The following ESF1 variants were observed in gnomAD, a reference collection of about 807,000 sequenced individuals.
ESF1 encodes ESF1 nucleolar pre-rRNA processing protein, also known as ESF1 homolog.
In ESF1, 58 loss-of-function variants were observed where a neutral mutation model predicts 92.0. The ratio of observed to expected loss-of-function variants is 0.63; its 90% CI spans 0.51 to 0.78. ESF1 has a LOEUF of 0.78. Among genes scored for constraint, ESF1 ranks in the 30% least tolerant of loss-of-function variants. The probability of loss-of-function intolerance (pLI) is 0.00; values close to 1 mark genes in which losing one functional copy is unlikely to be tolerated. For synonymous variants in ESF1, 321 were observed against 313.7 expected (o/e 1.02, Z -0.24); for missense variants, 922 against 989.1 (o/e 0.93, Z 0.91).
intron 11 of ESF1, among the ~76,000 whole-genome samples, chr20:13,720,880 G>C (rs1222817680): frequency 6.6e-6 from 1 of 152,224 alleles, no homozygotes; most frequent in East Asian, 1.9e-4. Context: ...CAGCACTTCG[G>C]GAGGCCGAGG....
intron 6 of ESF1, 26 bp from the exon 7 acceptor site, chr20:13,770,047 T>C (rs778292475): frequency 1.4e-6 from 2 of 1,382,062 alleles, no homozygotes; most frequent in Non-Finnish European, 1.0e-6. Flanking sequence ...AAAAAATTTA[T>C]TTAAAATACG....
intron 7 of ESF1, among the ~76,000 whole-genome samples, chr20:13,768,525 T>C (rs1979530521): frequency 6.6e-6 from 1 of 151,664 alleles, no homozygotes; most frequent in Non-Finnish European, 1.5e-5. Flanking sequence ...GAGGTTGCAG[T>C]GAGCCAGGAT....
At chr20:13,758,737 A>C (rs1979016024) in intron 9 of ESF1, among the ~76,000 whole-genome samples, 2 of 152,220 alleles carry the variant, frequency 1.3e-5, no homozygotes, top group African/African-American at 4.8e-5. Context: ...ATCTGGTTTT[A>C]AAAGTTATAC....
Position 13,782,584 on chromosome 20 carries a change from CTTTG to C in ESF1, c.553_556del (p.Gln185GlyfsTer3). On this transcript the variant is annotated frameshift_variant, in exon 2 of 14. Transcript: ENST00000617257. LOFTEE classifies it high-confidence loss of function. ...TTCAGAGGTGCCTGAGTCTAATGTC[CTTTG>C]TTTTTCTTCGAGAGAAGAGTCTGTA... 1 of 1,592,526 alleles carries C rather than the reference CTTTG, an allele frequency of 6.3e-7. No homozygotes were observed.
rs981561293 is a variant in ESF1, at chr20:13,748,794, A to G, written c.1828+10898T>C. Reference sequence around the variant, plus strand: ...TAGTAGAGACAGGGTTTCACGTGTTAGCCAGGATGGTCTCGATCTCCTGAC... The same window carrying G: ...TAGTAGAGACAGGGTTTCACGTGTTGGCCAGGATGGTCTCGATCTCCTGAC... On this transcript the variant is annotated intron_variant, in intron 9 of 13. Coordinates refer to ENST00000617257, the MANE Select transcript of ESF1 (RefSeq NM_001276380.2). 4.6e-5 allele frequency among the ~76,000 whole-genome samples: 7 copies of G among 151,542 alleles called. No individual in the cohort carries two copies. The East Asian group carries it at 1.4e-3, about 29-fold the overall frequency.
chr20:13,721,874 AT>A (rs1399313905), intron 11 of ESF1, among the ~76,000 whole-genome samples: 1 of 152,146 alleles, frequency 6.6e-6, no homozygotes, highest in African/African-American at 2.4e-5. Flanking sequence ...AGGGAATAAT[AT>A]ACGAATCTTA....
intron 8 of ESF1, among the ~76,000 whole-genome samples, chr20:13,760,123 T>A (rs911721104): frequency 3.3e-5 from 5 of 152,256 alleles, no homozygotes; most frequent in South Asian, 2.1e-4. Flanking sequence ...TTACATAACA[T>A]CTTTGGGCTT....
chr20:13,784,835 A>G, intron 1 of ESF1, 45 bp downstream of exon 1: 4 of 582,182 alleles, frequency 6.9e-6, no homozygotes, highest in Non-Finnish European at 1.2e-5. Flanking sequence ...CACGCCCTCA[A>G]GCCCTTCATC....
chr20:13,746,236 A>G (rs2147745589), intron 9 of ESF1, among the ~76,000 whole-genome samples: 1 of 152,300 alleles, frequency 6.6e-6, no homozygotes, highest in South Asian at 2.1e-4. Context: ...AAGTGTTGGG[A>G]TTACAGTTGT....
chr20:13,728,887 GA>G (rs893148625), intron 10 of ESF1, among the ~76,000 whole-genome samples: 3 of 148,832 alleles, frequency 2.0e-5, no homozygotes, highest in Admixed American at 6.7e-5. Flanking sequence ...ATAATTAAAA[GA>G]AAAAAAAAGT....
intron 6 of ESF1, 23 bp from the exon 7 acceptor site, chr20:13,770,044 T>G (rs1461008015): frequency 2.9e-6 from 4 of 1,403,260 alleles, no homozygotes; most frequent in Non-Finnish European, 4.0e-6. Flanking sequence ...GAAAAAAAAT[T>G]TATTTAAAAT....
intron 9 of ESF1, among the ~76,000 whole-genome samples, chr20:13,754,348 G>C (rs1285885756): frequency 6.6e-6 from 1 of 152,122 alleles, no homozygotes; most frequent in East Asian, 1.9e-4. Context: ...AATGGTCCAG[G>C]CTCATGTCCT....
At chr20:13,769,233 G>A (rs565438673) in intron 7 of ESF1, among the ~76,000 whole-genome samples, 5 of 151,734 alleles carry the variant, frequency 3.3e-5, no homozygotes, top group Admixed American at 1.3e-4. Context: ...TTAACTGTGC[G>A]GGGAGGTAAT....
At chr20:13,757,617 G>C (rs1385590895) in intron 9 of ESF1, among the ~76,000 whole-genome samples, 5 of 152,074 alleles carry the variant, frequency 3.3e-5, no homozygotes, top group Non-Finnish European at 5.9e-5. Flanking sequence ...TACTCGGGCT[G>C]GTCTCGAACA....
At position 13,728,845 on chromosome 20, in the gene ESF1, C is replaced by G. The variant is rs1390927032; in HGVS notation, c.1951-380G>C. Among the ~76,000 whole-genome samples, 3 of 147,076 alleles carry G rather than the reference C, an allele frequency of 2.0e-5. No homozygotes were observed. The East Asian group carries it at 6.0e-4, about 29-fold the overall frequency. Reference sequence around the variant, plus strand: ...TCGTGCCACTGCACTCCAGCCTGAGCAACAGAGCGAGACTCCATCTCAAAA... The same window carrying G: ...TCGTGCCACTGCACTCCAGCCTGAGGAACAGAGCGAGACTCCATCTCAAAA... On this transcript the variant is annotated intron_variant, in intron 10 of 13. Transcript: ENST00000617257.
At chr20:13,719,363 T>C (rs2049852166) in intron 11 of ESF1, among the ~76,000 whole-genome samples, 1 of 152,076 alleles carries the variant, frequency 6.6e-6, no homozygotes, top group Admixed American at 6.5e-5. Context: ...TTTAATGAAA[T>C]TCTAAATAAA....
chr20:13,726,074 G>A (rs544836139), intron 11 of ESF1, among the ~76,000 whole-genome samples: 26 of 152,014 alleles, frequency 1.7e-4, no homozygotes, highest in Non-Finnish European at 2.8e-4. Flanking sequence ...CCAATTCCAC[G>A]AGCGGCATGC....
chr20:13,771,433 T>C lies in ESF1; in HGVS notation c.1301A>G (p.Tyr434Cys). 3 of 1,613,208 alleles carry C rather than the reference T, an allele frequency of 1.9e-6. No individual in the cohort carries two copies. Among genetic ancestry groups the C allele is most frequent in the Non-Finnish European group, 1.7e-6 (2 of 1,179,360 alleles). The change falls in exon 6 of 14, where the codon TAT becomes TGT. Residue 434 changes from tyrosine (Y) to cysteine (C), a missense_variant. Coordinates refer to ENST00000617257, the MANE Select transcript of ESF1 (RefSeq NM_001276380.2). ...AGAATCACAGTCTACTACTGCATAA[T>C]AGTACTTCAGTCGTTTGAATTGATA... ...RDYQFKRLKY[Y>C]YAVVDCDSPE...
chr20:13,764,390 GT>G (rs879914772), intron 8 of ESF1, among the ~76,000 whole-genome samples: 6 of 152,132 alleles, frequency 3.9e-5, no homozygotes, highest in Non-Finnish European at 5.9e-5. Flanking sequence ...GGGAAAAAGG[GT>G]TTTGGGGCTT....
Sources: gnomAD v4.1 joint callset for allele counts (sites outside exome capture counted in the v4.1 genomes callset) on GRCh38, gnomAD v4.1.1 for gene constraint, MANE v1.5 for transcripts, NCBI Gene and HGNC (gene_info 2026-07-23, HGNC 2026-07-21) for gene names.